CUBN: variants seen among roughly 807,000 people sequenced by gnomAD.
The protein encoded by CUBN is 460 kDa receptor.
A neutral mutation model predicts 405.3 loss-of-function variants in CUBN; 282 were observed. That is an observed-to-expected ratio of 0.70 (90% CI 0.63 to 0.77). CUBN has a LOEUF of 0.77. Among genes scored for constraint, CUBN ranks in the 30% least tolerant of loss-of-function variants. CUBN has a pLI of 0.00. For synonymous variants in CUBN, 1,684 were observed against 1,617.0 expected, an observed-to-expected ratio of 1.04 and a Z score of -0.99; for missense variants, 4,514 against 4,475.2, an observed-to-expected ratio of 1.01 and a Z score of -0.25.
In CUBN at chr10:17,129,806, C is replaced by A. The variant is rs761382908; in HGVS notation, c.-41G>T. 6.2e-7 allele frequency: 1 copy of A among 1,610,616 alleles called. No individual in the cohort carries two copies. Among genetic ancestry groups the A allele is most frequent in the African/African-American group, 1.3e-5 (1 of 74,842 alleles). The stretch of plus-strand genomic sequence containing the variant: ...GCAGGTAAGAGTGAGGCCACTCCAA[C>A]CAACTGAGCATGGGATTTTGGAGAA... On this transcript the variant is annotated 5_prime_UTR_variant, in exon 1 of 67. Transcript: ENST00000377833.
At chr10:16,847,175 G>A (rs114714810) in intron 60 of CUBN, among the ~76,000 whole-genome samples, 2,763 of 152,202 alleles carry the variant, frequency 0.018, 96 homozygotes, top group African/African-American at 0.062. Flanking sequence ...GTGTTTGGCC[G>A]GGCGTGGTGG....
In CUBN at chr10:16,915,135, A is replaced by G; in HGVS notation, c.7248T>C (p.Pro2416=). 6.2e-7 allele frequency: 1 copy of G among 1,614,066 alleles called. No individual in the cohort carries two copies. The highest frequency in any genetic ancestry group is 8.5e-7 in the Non-Finnish European group (1 of 1,179,956). Residue 2416 remains proline (P), a synonymous_variant, in exon 47 of 67, where the codon CCT becomes CCC. Transcript: ENST00000377833. Reference sequence around the variant, plus strand: ...TATTGCTAGAAGTGTCTATGCTGTCAGGAATGGTGTTTCCACAGTATCTGC... The same window carrying G: ...TATTGCTAGAAGTGTCTATGCTGTCGGGAATGGTGTTTCCACAGTATCTGC... ...ILGRYCGNTI[P]DSIDTSSNTA... is the part of the protein sequence containing the mutation.
chr10:16,855,378 C>A (rs1386851521), intron 59 of CUBN, among the ~76,000 whole-genome samples: 1 of 152,060 alleles, frequency 6.6e-6, no homozygotes, highest in Non-Finnish European at 1.5e-5. Context: ...GGTCATGAAG[C>A]AGCCAGAGGC....
At position 16,876,887 on chromosome 10, in the gene CUBN, G is replaced by A; in HGVS notation, c.9106+10C>T. On this transcript the variant is annotated intron_variant, in intron 57 of 66. Coordinates refer to ENST00000377833, the MANE Select transcript of CUBN (RefSeq NM_001081.4). ...AGAAAATTCCAAACTCTGTCATTAT[G>A]GCTACTCACAGATTATCCTATAGGA... 1.2e-6 allele frequency: 2 copies of A among 1,609,138 alleles called. No homozygotes were observed. Among genetic ancestry groups the A allele is most frequent in the Non-Finnish European group, 8.5e-7 (1 of 1,175,682 alleles).
At chr10:17,051,039 C>T (rs778169281) in intron 22 of CUBN, among the ~76,000 whole-genome samples, 8 of 151,642 alleles carry the variant, frequency 5.3e-5, no homozygotes, top group Non-Finnish European at 1.5e-5. Context: ...CTATAAAACC[C>T]AAAACTATTA....
intron 27 of CUBN, among the ~76,000 whole-genome samples, chr10:17,039,426 C>G (rs1834969078): frequency 6.6e-6 from 1 of 152,114 alleles, no homozygotes; most frequent in African/African-American, 2.4e-5. Flanking sequence ...GCCTGGGTTA[C>G]AAAGTTAGTA....
At chr10:17,110,278 A>G (rs1423024610) in intron 9 of CUBN, among the ~76,000 whole-genome samples, 2 of 152,214 alleles carry the variant, frequency 1.3e-5, no homozygotes, top group African/African-American at 2.4e-5. Flanking sequence ...ATGCAAAACA[A>G]CTCAGGAGTG....
At chr10:17,121,973 A>G (rs962396648) in intron 6 of CUBN, 2 of 152,240 alleles carry the variant, frequency 1.3e-5, no homozygotes, top group African/African-American at 4.8e-5. Flanking sequence ...GACACTGTCT[A>G]GTTTAAAAGG....
chr10:17,111,157 A>G, intron 8 of CUBN, 107 bp from the exon 9 acceptor site: 2 of 1,271,404 alleles, frequency 1.6e-6, no homozygotes, highest in Non-Finnish European at 2.3e-6. Context: ...GGAACTATAA[A>G]ATAAAAATGA....
intron 52 of CUBN, among the ~76,000 whole-genome samples, chr10:16,901,072 A>G (rs1229004857): frequency 6.6e-6 from 1 of 152,196 alleles, no homozygotes; most frequent in Non-Finnish European, 1.5e-5. Context: ...ACATATTAAG[A>G]AACTGAATAC....
chr10:16,920,970 T>C (rs1222306262), intron 43 of CUBN, among the ~76,000 whole-genome samples: 1 of 152,202 alleles, frequency 6.6e-6, no homozygotes, highest in African/African-American at 2.4e-5. Context: ...CAAATCCCTT[T>C]GATGAGCTCC....
chr10:16,836,129 C>A, intron 63 of CUBN, 106 bp downstream of exon 63: 4 of 1,142,986 alleles, frequency 3.5e-6, no homozygotes, highest in Non-Finnish European at 3.9e-6. Flanking sequence ...GTTAACAAAT[C>A]CTAATTTACT....
chr10:16,916,944 G>C (rs1169951255), intron 45 of CUBN, among the ~76,000 whole-genome samples: 1 of 151,634 alleles, frequency 6.6e-6, no homozygotes, highest in Non-Finnish European at 1.5e-5. Flanking sequence ...CTCCTGAGTA[G>C]TAGGAATTAC....
chr10:16,874,606 AG>A, intron 57 of CUBN, 103 bp from the exon 58 acceptor site: 1 of 1,407,472 alleles, frequency 7.1e-7, no homozygotes, highest in South Asian at 1.2e-5. Flanking sequence ...TCCCTAAAAG[AG>A]GTAATAATTA....
chr10:17,071,315 T>C (rs534738960), intron 19 of CUBN, 111 bp downstream of exon 19: 181 of 1,100,766 alleles, frequency 1.6e-4, no homozygotes, highest in Non-Finnish European at 2.3e-4. Flanking sequence ...ATAAGACATA[T>C]TGGTCTACAT....
chr10:16,916,151 G>T (rs1416964785), intron 45 of CUBN, 121 bp from the exon 46 acceptor site: 3 of 858,360 alleles, frequency 3.5e-6, no homozygotes, highest in Non-Finnish European at 5.5e-6. Flanking sequence ...GGTGCCAAGT[G>T]ACTCTGAATT....
intron 39 of CUBN, among the ~76,000 whole-genome samples, chr10:16,935,896 A>G (rs1185956210): frequency 6.7e-6 from 1 of 149,972 alleles, no homozygotes; most frequent in Non-Finnish European, 1.5e-5. Flanking sequence ...AAAAAAAAAA[A>G]GAAAAAAAAA....
chr10:17,062,518 TC>T (rs1185875404), intron 22 of CUBN, among the ~76,000 whole-genome samples: 1 of 152,262 alleles, frequency 6.6e-6, no homozygotes, highest in East Asian at 1.9e-4. Context: ...TCTAAGAACT[TC>T]GTAAGAGTTT....
intron 36 of CUBN, among the ~76,000 whole-genome samples, chr10:16,940,963 A>G (rs1176340498): frequency 6.6e-6 from 1 of 152,148 alleles, no homozygotes; most frequent in Non-Finnish European, 1.5e-5. Flanking sequence ...GACCTATTCA[A>G]CTTGTCTTAT....
Sources: allele counts gnomAD v4.1 joint callset (sites outside exome capture counted in the v4.1 genomes callset), GRCh38; gene constraint gnomAD v4.1.1; transcripts MANE v1.5; gene names NCBI Gene and HGNC (gene_info 2026-07-23, HGNC 2026-07-21).